Variants in MRPS17 observed in about 807,000 individuals in gnomAD.
MRPS17 encodes the protein small ribosomal subunit protein uS17m.
MRPS17 carries 6 observed loss-of-function variants against 11.3 expected under a neutral mutation model. That is an observed-to-expected ratio of 0.53 (90% CI 0.29 to 1.05). MRPS17 has a LOEUF of 1.05. Among genes scored for constraint, MRPS17 ranks in the 50% least tolerant of loss-of-function variants. The pLI, the probability that MRPS17 is intolerant of heterozygous loss-of-function variation, is 0.08. For missense variants in MRPS17, 139 were observed against 153.6 expected (o/e 0.90, Z 0.50); for synonymous variants, 56 against 60.4 (o/e 0.93, Z 0.34).
At chr7:55,954,440 A>AT (rs1168878830) in intron 2 of MRPS17, among the ~76,000 whole-genome samples, 6 of 152,256 alleles carry the variant, frequency 3.9e-5, no homozygotes, top group Non-Finnish European at 8.8e-5. Flanking sequence ...AGAATAGGTG[A>AT]TTCTAGGCTG....
At chr7:55,954,274 G>A (rs753486091) in intron 2 of MRPS17, among the ~76,000 whole-genome samples, 6 of 152,280 alleles carry the variant, frequency 3.9e-5, no homozygotes, top group African/African-American at 4.8e-5. Flanking sequence ...CATTATCAAG[G>A]ATTAGAAACA....
chr7:55,953,967 T>C (rs1239979575), intron 2 of MRPS17, among the ~76,000 whole-genome samples: 1 of 152,112 alleles, frequency 6.6e-6, no homozygotes, highest in Non-Finnish European at 1.5e-5. Flanking sequence ...AACAGGCCAC[T>C]GAATGGTATC....
intron 2 of MRPS17, among the ~76,000 whole-genome samples, chr7:55,954,435 A>G (rs1189603990): frequency 6.6e-6 from 1 of 152,156 alleles, no homozygotes; most frequent in Non-Finnish European, 1.5e-5. Flanking sequence ...TATAAAGAAT[A>G]GGTGATTCTA....
chr7:55,954,720 G>A (rs929067312), intron 2 of MRPS17, among the ~76,000 whole-genome samples, 189 bp from the exon 3 acceptor site: 3 of 152,176 alleles, frequency 2.0e-5, no homozygotes, highest in Admixed American at 1.3e-4. Context: ...GCAACAGAGC[G>A]AGAATCCATC....
intron 1 of MRPS17, among the ~76,000 whole-genome samples, chr7:55,952,756 G>A (rs1786660360): frequency 1.3e-5 from 2 of 151,222 alleles, no homozygotes; most frequent in African/African-American, 4.9e-5. Context: ...ATATGGCCGG[G>A]CGCGGTGGCT....
chr7:55,954,084 T>G (rs1786690894), intron 2 of MRPS17, among the ~76,000 whole-genome samples: 1 of 152,130 alleles, frequency 6.6e-6, no homozygotes, highest in African/African-American at 2.4e-5. Context: ...AAGAGGCTGC[T>G]GCAAAAGTCT....
At chr7:55,953,832 C>G (rs1226426314) in intron 2 of MRPS17, among the ~76,000 whole-genome samples, 1 of 152,176 alleles carries the variant, frequency 6.6e-6, no homozygotes, top group Non-Finnish European at 1.5e-5. Context: ...ATGCACAATT[C>G]ACAATAGGGT....
In MRPS17 at chr7:55,955,228, A is replaced by G; in HGVS notation, c.*50A>G. 2.6e-6 allele frequency: 4 copies of G among 1,559,416 alleles called. No homozygotes were observed. Among genetic ancestry groups the G allele is most frequent in the Middle Eastern group, 1.7e-4 (1 of 5,796 alleles). On this transcript the variant is annotated 3_prime_UTR_variant, in exon 3 of 3. Transcript: ENST00000285298. Reference sequence around the variant, plus strand: ...AGGGAAAAACTGACATGTTTATGTTATGGAAAAAGAAATTTTTCTAAGTTT... The same window carrying G: ...AGGGAAAAACTGACATGTTTATGTTGTGGAAAAAGAAATTTTTCTAAGTTT...
rs1786712092 is a variant in MRPS17, at chr7:55,955,334, T to C, written c.*156T>C. ...TGAAGTAAAGGGCATACTATGGTTT[T>C]TCACAAAGGTTTATGGTCGTGTTTC... On this transcript the variant is annotated 3_prime_UTR_variant, in exon 3 of 3. Coordinates refer to ENST00000285298, the MANE Select transcript of MRPS17 (RefSeq NM_015969.3). 1.1e-6 allele frequency: 1 copy of C among 901,170 alleles called. No homozygotes were observed. Among genetic ancestry groups the C allele is most frequent in the African/African-American group, 1.7e-5 (1 of 59,046 alleles). The allele number at this position is 901,170 out of a possible 1,614,324, so 55.8% of individuals were successfully genotyped here.
rs148404896 is a variant in MRPS17, at chr7:55,952,754, G to A, written c.-17-425G>A. Among the ~76,000 whole-genome samples, 1,507 of 150,744 alleles carry A rather than the reference G, an allele frequency of 1.0e-2. 7 individuals are homozygous for A. Among genetic ancestry groups the A allele is most frequent in the Non-Finnish European group, 0.015 (1,013 of 67,718 alleles). Reference sequence around the variant, plus strand: ...CATCTAAAGAAAAATACATATGGCCGGGCGCGGTGGCTCACGCCTGTAATC... The same window carrying A: ...CATCTAAAGAAAAATACATATGGCCAGGCGCGGTGGCTCACGCCTGTAATC... On this transcript the variant is annotated intron_variant, in intron 1 of 2. Transcript: ENST00000285298.
rs1030006171 is a variant in MRPS17 at position 55,956,422 on chromosome 7, A to T, written c.*1244A>T. 6.6e-6 allele frequency: 1 copy of T among 152,218 alleles called. No homozygotes were observed. Among genetic ancestry groups the T allele is most frequent in the Non-Finnish European group, 1.5e-5 (1 of 68,044 alleles). 9.4% of individuals were successfully genotyped at this position (152,218 alleles called of 1,614,324 possible). A position where few individuals can be genotyped will look rare whatever the true frequency, so the allele number is the denominator to read the frequency against. Reference sequence around the variant, plus strand: ...GCATGAGCCACTGCATGTAATGACCAGCCACTGGTCAGAATTCTTTCAATC... The same window carrying T: ...GCATGAGCCACTGCATGTAATGACCTGCCACTGGTCAGAATTCTTTCAATC... On this transcript the variant is annotated 3_prime_UTR_variant, in exon 3 of 3. Transcript: ENST00000285298.
chr7:55,953,348 T>G, intron 2 of MRPS17, 30 bp downstream of exon 2: 2 of 1,611,408 alleles, frequency 1.2e-6, no homozygotes, highest in Non-Finnish European at 1.7e-6. Flanking sequence ...CCGGGTGGCT[T>G]TGGTAAATCA....
At chr7:55,953,638 G>A (rs902900854) in intron 2 of MRPS17, among the ~76,000 whole-genome samples, 6 of 152,066 alleles carry the variant, frequency 3.9e-5, no homozygotes, top group African/African-American at 1.4e-4. Context: ...TCTGGCCAAC[G>A]TGGTGAAACC....
chr7:55,954,782 C>A, intron 2 of MRPS17, 127 bp from the exon 3 acceptor site: 1 of 1,144,978 alleles, frequency 8.7e-7, no homozygotes, highest in Non-Finnish European at 1.2e-6. Context: ...GTACTAGAAG[C>A]CTCCTTAGTA....
rs1162711066 is a variant in MRPS17, at chr7:55,955,303, A to AG, written c.*126dup. On this transcript the variant is annotated 3_prime_UTR_variant, in exon 3 of 3. Transcript: ENST00000285298. ...CTGTGGTGTTTATGAAATAGCTAAA[A>AG]GCAAATGAAGTAAAGGGCATACTAT... is the stretch of plus-strand genomic sequence containing the variant. The AG allele has an allele frequency of 6.7e-6, 8 of 1,189,846 alleles. No homozygotes were observed. In the African/African-American group the frequency reaches 1.2e-4, roughly 18 times the overall value. The allele number at this position is 1,189,846 out of a possible 1,614,324, so 73.7% of individuals were successfully genotyped here.
chr7:55,952,003 G>A (rs567324421), intron 1 of MRPS17, 73 bp downstream of exon 1: 1 of 152,486 alleles, frequency 6.6e-6, no homozygotes, highest in East Asian at 1.9e-4. Flanking sequence ...GGGGACCCAA[G>A]GCACCCTCGC....
intron 2 of MRPS17, among the ~76,000 whole-genome samples, chr7:55,953,851 C>T (rs1049166095): frequency 1.3e-5 from 2 of 152,148 alleles, no homozygotes; most frequent in Non-Finnish European, 2.9e-5. Flanking sequence ...GTTTGTGCTC[C>T]TATAGGAATC....
chr7:55,955,322 A>G lies in MRPS17; in HGVS notation c.*144A>G. 1 of 1,009,868 alleles carries G rather than the reference A, an allele frequency of 9.9e-7. No homozygotes were observed. Among genetic ancestry groups the G allele is most frequent in the Non-Finnish European group, 1.4e-6 (1 of 696,418 alleles). The allele number at this position is 1,009,868 out of a possible 1,614,324, so 62.6% of individuals were successfully genotyped here. A position where few individuals can be genotyped will look rare whatever the true frequency, so the allele number is the denominator to read the frequency against. On this transcript the variant is annotated 3_prime_UTR_variant, in exon 3 of 3. Transcript: ENST00000285298. ...GCTAAAAGCAAATGAAGTAAAGGGCATACTATGGTTTTTCACAAAGGTTTA... is the reference window on the plus strand; with the variant it reads ...GCTAAAAGCAAATGAAGTAAAGGGCGTACTATGGTTTTTCACAAAGGTTTA...
chr7:55,954,625 T>C (rs571137501), intron 2 of MRPS17, among the ~76,000 whole-genome samples: 17 of 152,108 alleles, frequency 1.1e-4, no homozygotes, highest in African/African-American at 3.9e-4. Flanking sequence ...TCCAGCTACT[T>C]GGGAGGCTGA....
Sources: gnomAD v4.1 joint callset for allele counts (sites outside exome capture counted in the v4.1 genomes callset) on GRCh38, gnomAD v4.1.1 for gene constraint, MANE v1.5 for transcripts, NCBI Gene and HGNC (gene_info 2026-07-23, HGNC 2026-07-21) for gene names.